Variants in MARCHF1 observed in about 807,000 individuals in gnomAD.
The protein encoded by MARCHF1 is E3 ubiquitin-protein ligase MARCHF1.
Under a neutral mutation model 54.2 loss-of-function variants are expected in MARCHF1, and 40 were observed. The observed-to-expected ratio is 0.74, with a 90% CI of 0.57 to 0.96. The LOEUF (loss-of-function observed/expected upper bound fraction) is 0.96, where lower values mean the gene tolerates loss of function less well. Ranked by LOEUF, MARCHF1 falls within the 40% of genes least tolerant of loss-of-function variation. The pLI is 0.00. For missense variants in MARCHF1, 586 were observed against 656.5 expected, an observed-to-expected ratio of 0.89 and a Z score of 1.17; for synonymous variants, 236 against 236.3, an observed-to-expected ratio of 1.00 and a Z score of 0.01.
intron 3 of MARCHF1, among the ~76,000 whole-genome samples, chr4:163,962,913 C>G (rs1182948677): frequency 6.6e-6 from 1 of 151,670 alleles, no homozygotes; most frequent in African/African-American, 2.4e-5. Flanking sequence ...TGGCTTGATC[C>G]CATAACGTAA....
intron 4 of MARCHF1, among the ~76,000 whole-genome samples, chr4:163,722,139 T>C (rs1175424450): frequency 2.0e-5 from 3 of 152,178 alleles, no homozygotes; most frequent in Non-Finnish European, 4.4e-5. Flanking sequence ...CAATTTTAGA[T>C]CTTTCCTGCT....
rs542188148 is a variant in MARCHF1 at position 164,196,300 on chromosome 4, TTTA to T, written c.-322-84641_-322-84639del. Among the ~76,000 whole-genome samples the T allele has an allele frequency of 3.2e-3, 486 of 152,272 alleles. 1 individual carries two copies. Among genetic ancestry groups the T allele is most frequent in the African/African-American group, 0.011 (461 of 41,590 alleles). On this transcript the variant is annotated intron_variant, in intron 1 of 9. Coordinates refer to ENST00000514618, the MANE Select transcript of MARCHF1 (RefSeq NM_001394959.1). ...ATATTCATAATGTCCCCAGGTATGC[TTTA>T]TTATTTCTTTGCAATGATTTTGCAT... is the stretch of plus-strand genomic sequence containing the variant.
At chr4:164,351,131 A>C (rs1730308173) in intron 1 of MARCHF1, among the ~76,000 whole-genome samples, 1 of 152,150 alleles carries the variant, frequency 6.6e-6, no homozygotes, top group Non-Finnish European at 1.5e-5. Flanking sequence ...AATCTCGCTG[A>C]TTGCTAGCAC....
chr4:164,120,404 A>G (rs1169717001), intron 1 of MARCHF1, among the ~76,000 whole-genome samples: 1 of 152,140 alleles, frequency 6.6e-6, no homozygotes, highest in Non-Finnish European at 1.5e-5. Flanking sequence ...TCAACAACCC[A>G]CTTTCTGCAC....
At chr4:163,767,458 C>G (rs932598405) in intron 4 of MARCHF1, among the ~76,000 whole-genome samples, 10 of 151,962 alleles carry the variant, frequency 6.6e-5, no homozygotes, top group African/African-American at 2.4e-4. Flanking sequence ...CTCAGCCTCC[C>G]GAGTAGCTGG....
intron 3 of MARCHF1, among the ~76,000 whole-genome samples, chr4:163,905,982 A>G (rs184469372): frequency 1.4e-3 from 219 of 152,226 alleles, no homozygotes; most frequent in Non-Finnish European, 2.6e-3. Context: ...TATGTAATTT[A>G]ATAATTCAGA....
At chr4:164,352,343 G>C (rs1436873389) in intron 1 of MARCHF1, among the ~76,000 whole-genome samples, 1 of 120,022 alleles carries the variant, frequency 8.3e-6, no homozygotes, top group Non-Finnish European at 1.8e-5. Flanking sequence ...AGGAAAAAAT[G>C]TTAAGGGCAG....
intron 5 of MARCHF1, among the ~76,000 whole-genome samples, chr4:163,637,776 A>G (rs1224729837): frequency 6.6e-6 from 1 of 152,022 alleles, no homozygotes; most frequent in Admixed American, 6.6e-5. Context: ...TCATGCTGCT[A>G]TAAAGACACA....
chr4:163,812,118 T>C (rs985025048), intron 4 of MARCHF1, among the ~76,000 whole-genome samples: 2 of 129,298 alleles, frequency 1.5e-5, no homozygotes, highest in Non-Finnish European at 3.5e-5. Context: ...CAGACCCTGG[T>C]GGGGATCTAC....
intron 5 of MARCHF1, among the ~76,000 whole-genome samples, chr4:163,686,747 G>A (rs920137636): frequency 1.3e-5 from 2 of 151,872 alleles, no homozygotes; most frequent in African/African-American, 4.8e-5. Flanking sequence ...ACTGACATAA[G>A]AAAAATGTTC....
At chr4:163,837,922 T>G (rs1487755833) in intron 4 of MARCHF1, among the ~76,000 whole-genome samples, 1 of 152,146 alleles carries the variant, frequency 6.6e-6, no homozygotes, top group Non-Finnish European at 1.5e-5. Context: ...TGTAACAAAT[T>G]TCTAAGGATT....
At chr4:163,584,562 A>G (rs2110819304) in intron 8 of MARCHF1, 1 of 152,296 alleles carries the variant, frequency 6.6e-6, no homozygotes, top group East Asian at 1.9e-4. Context: ...AGGTTACCCC[A>G]TTGTTAAAAA....
intron 3 of MARCHF1, among the ~76,000 whole-genome samples, chr4:163,958,244 A>AGTGTGTGT (rs58660279): frequency 6.7e-6 from 1 of 148,432 alleles, no homozygotes; most frequent in African/African-American, 2.5e-5. Context: ...CAATCAAGTG[A>AGTGTGTGT]GTGTGTGTGT....
At chr4:163,778,810 A>T (rs1747378631) in intron 4 of MARCHF1, among the ~76,000 whole-genome samples, 1 of 152,100 alleles carries the variant, frequency 6.6e-6, no homozygotes, top group African/African-American at 2.4e-5. Flanking sequence ...GTACACGTGG[A>T]TGATGTAGAG....
Position 164,113,151 on chromosome 4 carries a change from T to G in MARCHF1, c.-322-1489A>C, listed in dbSNP as rs141936920. ...TTTCAATGGACTTTATTTTCACATA[T>G]TATGTAGTTTAATGAAATTGGTATA... On this transcript the variant is annotated intron_variant, in intron 1 of 9. Coordinates refer to ENST00000514618, the MANE Select transcript of MARCHF1 (RefSeq NM_001394959.1). 3.2e-3 allele frequency among the ~76,000 whole-genome samples: 488 copies of G among 152,020 alleles called. 4 individuals carry two copies. The highest frequency in any genetic ancestry group is 0.011 in the African/African-American group (459 of 41,460).
At chr4:164,299,680 A>G (rs1734500154) in intron 1 of MARCHF1, among the ~76,000 whole-genome samples, 1 of 152,184 alleles carries the variant, frequency 6.6e-6, no homozygotes, top group Non-Finnish European at 1.5e-5. Flanking sequence ...ATATTGTTTC[A>G]ACCTATGTTC....
At chr4:163,568,820 CT>C (rs2110742507) in intron 8 of MARCHF1, among the ~76,000 whole-genome samples, 1 of 152,198 alleles carries the variant, frequency 6.6e-6, no homozygotes, top group Non-Finnish European at 1.5e-5. Flanking sequence ...CCAGAGGCTC[CT>C]AGACATATCT....
intron 3 of MARCHF1, among the ~76,000 whole-genome samples, chr4:163,916,249 C>A (rs780945114): frequency 6.6e-6 from 1 of 152,084 alleles, no homozygotes; most frequent in Admixed American, 6.6e-5. Context: ...CTCAGTCTTT[C>A]GAAAGAGGGA....
rs142277252 is a variant in MARCHF1 at position 164,034,972 on chromosome 4, G to A, written c.-247-46263C>T. On this transcript the variant is annotated intron_variant, in intron 2 of 9. Transcript: ENST00000514618. ...AATCCAGAGAATTTAACAAAAATCC[G>A]TGTTATAAATTGACTTCCACACATA... Among the ~76,000 whole-genome samples, 6 of 152,162 alleles carry A rather than the reference G, an allele frequency of 3.9e-5. No individual in the cohort carries two copies. In the East Asian group the frequency reaches 7.7e-4, roughly 20 times the overall value.
Sources: gnomAD v4.1 joint callset for allele counts (sites outside exome capture counted in the v4.1 genomes callset) on GRCh38, gnomAD v4.1.1 for gene constraint, MANE v1.5 for transcripts, NCBI Gene and HGNC (gene_info 2026-07-23, HGNC 2026-07-21) for gene names.